The following COL5A1 variants were observed in gnomAD, a reference collection of about 807,000 sequenced individuals.
COL5A1 encodes collagen alpha-1(V) chain.
Under a neutral mutation model 263.7 loss-of-function variants are expected in COL5A1, and 16 were observed. That is an observed-to-expected ratio of 0.06 (90% CI 0.04 to 0.09). The LOEUF (loss-of-function observed/expected upper bound fraction) is 0.09. COL5A1 is among the 10% of genes least tolerant of loss of function. The pLI is 1.00. For synonymous variants in COL5A1, 1,012 were observed against 1,004.5 expected, an observed-to-expected ratio of 1.01 and a Z score of -0.14; for missense variants, 2,036 against 2,540.5, an observed-to-expected ratio of 0.80 and a Z score of 4.27.
In COL5A1 at chr9:134,817,634, G is replaced by A. The variant is rs535317292; in HGVS notation, c.4177-144G>A. On this transcript the variant is annotated intron_variant, in intron 53 of 65. Coordinates refer to ENST00000371817, the MANE Select transcript of COL5A1 (RefSeq NM_000093.5). The stretch of plus-strand genomic sequence containing the variant: ...ACCCTGCACCCCTGCCCTGCAGCCC[G>A]GCACACCCTGAGCACCTGCACCCGA... 149 of 764,924 alleles carry A rather than the reference G, an allele frequency of 1.9e-4. 4 individuals are homozygous for A. The highest frequency in any genetic ancestry group is 1.9e-3 in the South Asian group (126 of 65,096). 47.4% of individuals were successfully genotyped at this position (764,924 alleles called of 1,614,324 possible). A position where few individuals can be genotyped will look rare whatever the true frequency, so the allele number is the denominator to read the frequency against.
chr9:134,644,099 A>T (rs1292821696), intron 1 of COL5A1, among the ~76,000 whole-genome samples: 3 of 151,590 alleles, frequency 2.0e-5, no homozygotes, highest in African/African-American at 7.3e-5. Flanking sequence ...TTTCTTAGTG[A>T]GTTTTGCCAA....
intron 4 of COL5A1, among the ~76,000 whole-genome samples, chr9:134,701,787 T>G (rs1309091026): frequency 1.3e-5 from 2 of 152,164 alleles, no homozygotes; most frequent in East Asian, 3.9e-4. Context: ...CCGACCCAAC[T>G]CGGGCTGGCC....
intron 4 of COL5A1, among the ~76,000 whole-genome samples, chr9:134,722,150 A>G (rs1834486562): frequency 6.6e-6 from 1 of 152,218 alleles, no homozygotes; most frequent in Non-Finnish European, 1.5e-5. Context: ...GATTCGAACG[A>G]AGCACGTGCA....
chr9:134,765,749 C>T lies in COL5A1; in HGVS notation c.2088+15C>T, dbSNP rs896840592. On this transcript the variant is annotated intron_variant, in intron 21 of 65. Transcript: ENST00000371817. The surrounding 1 kb of genome is among the most constrained non-coding windows in gnomAD (Gnocchi z 5.1). ...CCGGACCTCCCGTAAGTCCCATTAC[C>T]GCCCTGCTTGTCTGCCCCCATCTCG... 37 of 1,610,578 alleles carry T rather than the reference C, an allele frequency of 2.3e-5. No homozygotes were observed. Among genetic ancestry groups the T allele is most frequent in the Non-Finnish European group, 3.1e-5 (36 of 1,177,806 alleles).
chr9:134,831,552 G>A (rs567061688), intron 64 of COL5A1, among the ~76,000 whole-genome samples: 1 of 152,328 alleles, frequency 6.6e-6, no homozygotes, highest in African/African-American at 2.4e-5. Flanking sequence ...AGGGGATGCT[G>A]ATGTGTGGGA....
At chr9:134,823,291 T>A in intron 60 of COL5A1, 125 bp from the exon 61 acceptor site, 1 of 1,117,760 alleles carries the variant, frequency 8.9e-7, no homozygotes, top group Non-Finnish European at 1.4e-6. Flanking sequence ...CATTCTCTTC[T>A]CTGCTGTGGC....
At chr9:134,699,532 A>G (rs1392225130) in intron 2 of COL5A1, among the ~76,000 whole-genome samples, 1 of 150,028 alleles carries the variant, frequency 6.7e-6, no homozygotes, top group Non-Finnish European at 1.5e-5. Flanking sequence ...GGAGCGTACT[A>G]AGACACCTCA....
intron 18 of COL5A1, among the ~76,000 whole-genome samples, chr9:134,760,201 ACT>A (rs201126850): frequency 5.6e-5 from 6 of 107,136 alleles, no homozygotes; most frequent in African/African-American, 1.4e-4. Context: ...ACACCCCCAC[ACT>A]CATACACACA....
rs764040290 is a variant in COL5A1, at chr9:134,786,044, C to A, written c.2642C>A (p.Pro881Gln). 2 of 1,612,508 alleles carry A rather than the reference C, an allele frequency of 1.2e-6. No homozygotes were observed. Among genetic ancestry groups the A allele is most frequent in the Non-Finnish European group, 8.5e-7 (1 of 1,179,398 alleles). Reference sequence around the variant, plus strand: ...CCAGGGTATCCAGGAAGACAAGGACCAAAGGTAACTTCTGGCCGTGTTAGG... The same window carrying A: ...CCAGGGTATCCAGGAAGACAAGGACAAAAGGTAACTTCTGGCCGTGTTAGG... ...GLPGYPGRQGPKGSIGFPGFP... is the reference protein window; with the variant it reads ...GLPGYPGRQGQKGSIGFPGFP... The change falls in exon 31 of 66, where the codon CCA becomes CAA. Residue 881 changes from proline to glutamine, a missense_variant. By Grantham distance (76) the Pro-to-Gln change is moderately conservative (BLOSUM62 -1). Around this residue, in one of 3 missense-constraint regions of COL5A1, gnomAD observed 1,078 missense variants for 1,521.4 expected, o/e 0.71. Coordinates refer to ENST00000371817, the MANE Select transcript of COL5A1 (RefSeq NM_000093.5).
At chr9:134,674,386 G>A (rs959020950) in intron 1 of COL5A1, among the ~76,000 whole-genome samples, 4 of 152,234 alleles carry the variant, frequency 2.6e-5, no homozygotes, top group East Asian at 1.9e-4. Context: ...CACGAAAGAC[G>A]CAGGGGACAC....
chr9:134,753,759 T>TCCCCCCCCCCCC, intron 14 of COL5A1, 91 bp from the exon 15 acceptor site: 1 of 540,646 alleles, frequency 1.8e-6, no homozygotes, highest in Non-Finnish European at 3.7e-6. Flanking sequence ...CCCTGTCCCC[T>TCCCCCCCCCCCC]CCCCCTGCCC....
rs1003161178 is a variant in COL5A1, at chr9:134,741,628, G to C, written c.1494+2820G>C. On this transcript the variant is annotated intron_variant, in intron 11 of 65. Transcript: ENST00000371817. The surrounding 1 kb of genome is among the most constrained non-coding windows in gnomAD (Gnocchi z 4.5). The stretch of plus-strand genomic sequence containing the variant: ...AGGCAGGAGGGTGGGGTGGGAGGAG[G>C]GGGTAATGCCCTGCTTTTAGGCAGA... Among the ~76,000 whole-genome samples the C allele has an allele frequency of 2.0e-5, 3 of 152,114 alleles. No individual in the cohort carries two copies. Among genetic ancestry groups the C allele is most frequent in the African/African-American group, 7.2e-5 (3 of 41,400 alleles).
rs1033629385 is a variant in COL5A1 at position 134,680,254 on chromosome 9, G to A, written c.110-10658G>A. 6.6e-6 allele frequency among the ~76,000 whole-genome samples: 1 copy of A among 152,210 alleles called. No individual in the cohort carries two copies. Among genetic ancestry groups the A allele is most frequent in the Non-Finnish European group, 1.5e-5 (1 of 68,030 alleles). On this transcript the variant is annotated intron_variant, in intron 1 of 65. Coordinates refer to ENST00000371817, the MANE Select transcript of COL5A1 (RefSeq NM_000093.5). The surrounding 1 kb of genome is among the most constrained non-coding windows in gnomAD (Gnocchi z 5.9). ...GGCGAAGGTTAACATAGAGCCTCCA[G>A]GCCCGGCTACAGGCCATTTTCTCAC...
intron 11 of COL5A1, among the ~76,000 whole-genome samples, chr9:134,743,464 G>A (rs978260005): frequency 3.3e-5 from 5 of 152,154 alleles, no homozygotes; most frequent in African/African-American, 1.2e-4. Flanking sequence ...TCTGCTTCTG[G>A]GTCTGTGGGC....
Position 134,824,603 on chromosome 9 carries a change from C to G in COL5A1, c.4702C>G (p.Pro1568Ala). The G allele has an allele frequency of 6.2e-7, 1 of 1,614,034 alleles. No individual in the cohort carries two copies. Among genetic ancestry groups the G allele is most frequent in the Non-Finnish European group, 8.5e-7 (1 of 1,180,012 alleles). The change falls in exon 62 of 66, where the codon CCC becomes GCC. Residue 1568 changes from proline to alanine, a missense_variant. Around this residue, in one of 3 missense-constraint regions of COL5A1, gnomAD observed 358 missense variants for 384.6 expected, o/e 0.93. Transcript: ENST00000371817. ...CTGCTCCTGTTCTGTCCCCCAGGGC[C>G]CCCCGGGAGAGGTCATCCAGCCCCT... ...GHPGPPGPPG[P>A]PGEVIQPLPI... is the part of the protein sequence containing the mutation.
Position 134,736,325 on chromosome 9 carries a change from C to T in COL5A1, c.1390-2149C>T, listed in dbSNP as rs113737445. ...TCACATATAGAGGGACCACATCTGG[C>T]GAGGGCCTTCTTGCTGTGTCCTCAC... is the stretch of plus-strand genomic sequence containing the variant. On this transcript the variant is annotated intron_variant, in intron 9 of 65. Coordinates refer to ENST00000371817, the MANE Select transcript of COL5A1 (RefSeq NM_000093.5). Among the ~76,000 whole-genome samples, 524 of 152,362 alleles carry T rather than the reference C, an allele frequency of 3.4e-3. 5 individuals carry two copies. Among genetic ancestry groups the T allele is most frequent in the Non-Finnish European group, 5.1e-3 (348 of 68,036 alleles).
rs535062516 is a variant in COL5A1, at chr9:134,841,623, C to T, written c.5371-534C>T. On this transcript the variant is annotated intron_variant, in intron 65 of 65. Transcript: ENST00000371817. This position sits in a 1 kb window ranked among gnomAD's most constrained non-coding sequence, Gnocchi z 4.8. The stretch of plus-strand genomic sequence containing the variant: ...TTGTGGAGGTGAAGACCCAGCCCAC[C>T]GAGTGCCTAAGGCAGTGTGTGGCAG... Among the ~76,000 whole-genome samples, 5 of 152,284 alleles carry T rather than the reference C, an allele frequency of 3.3e-5. No homozygotes were observed. Among genetic ancestry groups the T allele is most frequent in the South Asian group, 2.1e-4 (1 of 4,820 alleles).
intron 65 of COL5A1, among the ~76,000 whole-genome samples, chr9:134,837,521 C>T (rs1839887799): frequency 6.6e-6 from 1 of 151,984 alleles, no homozygotes; most frequent in African/African-American, 2.4e-5. Flanking sequence ...CCTACTCATT[C>T]CATCAGCAAA....
chr9:134,792,645 G>A (rs926040515), intron 32 of COL5A1, among the ~76,000 whole-genome samples: 3 of 152,170 alleles, frequency 2.0e-5, no homozygotes, highest in East Asian at 3.9e-4. Context: ...GATTACAGGC[G>A]TGAACCACCA....
Sources: allele counts gnomAD v4.1 joint callset (sites outside exome capture counted in the v4.1 genomes callset), GRCh38; gene constraint gnomAD v4.1.1; regional missense constraint gnomAD v4.1.1; non-coding constraint Gnocchi (gnomAD v3.1); transcripts MANE v1.5; gene names NCBI Gene and HGNC (gene_info 2026-07-23, HGNC 2026-07-21).